RTBDN: variants seen among roughly 807,000 people sequenced by gnomAD.
RTBDN encodes the protein retbindin.
In RTBDN, 24 loss-of-function variants were observed where a neutral mutation model predicts 21.9. The ratio of observed to expected loss-of-function variants is 1.10; its 90% confidence interval spans 0.79 to 1.54. RTBDN has a LOEUF of 1.54. RTBDN is among the 40% of genes most tolerant of loss of function. The probability of loss-of-function intolerance (pLI) is 0.00; values close to 1 mark genes in which losing one functional copy is unlikely to be tolerated. For missense variants in RTBDN, 325 were observed against 315.2 expected, an observed-to-expected ratio of 1.03 and a Z score of -0.23; for synonymous variants, 141 against 125.9, an observed-to-expected ratio of 1.12 and a Z score of -0.80.
At position 12,828,874 on chromosome 19, in the gene RTBDN, G is replaced by T. The variant is rs750372485; in HGVS notation, c.249C>A (p.Ser83Arg). ...GNHPERCGVP[S>R]PECESFLEHL... Reference sequence around the variant, plus strand: ...GTGGAGGGTGCTGTACTCACTCAGGGCTCGGCACTCCACAGCGTTCTGGAT... The same window carrying T: ...GTGGAGGGTGCTGTACTCACTCAGGTCTCGGCACTCCACAGCGTTCTGGAT... The change falls in exon 3 of 6, where the codon AGC becomes AGA. Residue 83 changes from serine to arginine, a missense_variant. Transcript: ENST00000674343. 3.1e-6 allele frequency: 5 copies of T among 1,614,202 alleles called. No individual in the cohort carries two copies. Among genetic ancestry groups the T allele is most frequent in the South Asian group, 1.1e-5 (1 of 91,088 alleles).
rs1391472826 is a variant in RTBDN, at chr19:12,834,447, G to C, written c.-19+42C>G. The C allele has an allele frequency of 6.9e-7, 1 of 1,455,596 alleles. No homozygotes were observed. Among genetic ancestry groups the C allele is most frequent in the Admixed American group, 2.0e-5 (1 of 50,180 alleles). 90.2% of individuals were successfully genotyped at this position (1,455,596 alleles called of 1,614,324 possible). A position where few individuals can be genotyped will look rare whatever the true frequency, so the allele number is the denominator to read the frequency against. On this transcript the variant is annotated intron_variant, in intron 1 of 5. Transcript: ENST00000674343. This position sits in a 1 kb window ranked among gnomAD's most constrained non-coding sequence, Gnocchi z 4.7. ...AACCTCGCCCCTCACCACCCCAGGA[G>C]CCCCCTCCCGAGGCATAGGACGCCC... is the stretch of plus-strand genomic sequence containing the variant.
chr19:12,831,429 G>T (rs149004133), intron 1 of RTBDN, among the ~76,000 whole-genome samples: 2 of 152,168 alleles, frequency 1.3e-5, no homozygotes, highest in Non-Finnish European at 2.9e-5. Flanking sequence ...TTTCAGCCAG[G>T]CATGGTGGTT....
At chr19:12,826,194 T>TAG in intron 5 of RTBDN, 1 of 1,346,572 alleles carries the variant, frequency 7.4e-7, no homozygotes, top group Non-Finnish European at 9.5e-7. Flanking sequence ...TGGGGTTTTG[T>TAG]AGAGAGTGAC....
chr19:12,832,373 A>G (rs902677809), intron 1 of RTBDN, among the ~76,000 whole-genome samples: 3 of 152,140 alleles, frequency 2.0e-5, no homozygotes, highest in Admixed American at 2.0e-4. Flanking sequence ...ACACCCAGTG[A>G]TGTGCTGGAG....
In RTBDN at chr19:12,829,909, AG is replaced by A. The variant is rs1969496916; in HGVS notation, c.70del (p.Leu24CysfsTer2). On this transcript the variant is annotated frameshift_variant, in exon 2 of 6. Transcript: ENST00000674343. LOFTEE classifies it high-confidence loss of function. ...WVLQLTLAWILLEACGGSRPL... is the reference protein window; with the variant it reads ...WVLQLTLAWIXLEACGGSRPL... Reference sequence around the variant, plus strand: ...GCGGCTCCCTCCACAGGCTTCTAGCAGGATCCATGCCAAGGTCAGTTGCAGC... The same window carrying A: ...GCGGCTCCCTCCACAGGCTTCTAGCAGATCCATGCCAAGGTCAGTTGCAGC... The A allele has an allele frequency of 1.2e-5, 19 of 1,614,188 alleles. No homozygotes were observed. The East Asian group carries it at 4.2e-4, about 36-fold the overall frequency.
At chr19:12,827,829 C>A (rs530920024) in intron 4 of RTBDN, among the ~76,000 whole-genome samples, 1 of 152,018 alleles carries the variant, frequency 6.6e-6, no homozygotes, top group African/African-American at 2.4e-5. Context: ...CATGGTGGCT[C>A]ACCCCTGTAA....
At chr19:12,829,121 A>AAACAAGAAATG in intron 2 of RTBDN, 168 bp from the exon 3 acceptor site, 1 of 1,111,864 alleles carries the variant, frequency 9.0e-7, no homozygotes, top group Non-Finnish European at 1.2e-6. Flanking sequence ...AAGTAGTAAT[A>AAACAAGAAATG]ATCATTTCTT....
At chr19:12,828,632 C>T (rs772930023) in intron 4 of RTBDN, 25 bp downstream of exon 4, 1 of 1,575,394 alleles carries the variant, frequency 6.3e-7, no homozygotes, top group South Asian at 1.1e-5. Flanking sequence ...TCACAACCCA[C>T]GCCCCTTGCC....
In RTBDN at chr19:12,828,656, C is replaced by G. The variant is rs1969419991; in HGVS notation, c.365+1G>C. 11 of 1,611,336 alleles carry G rather than the reference C, an allele frequency of 6.8e-6. No individual in the cohort carries two copies. In the East Asian group the frequency reaches 1.3e-4, roughly 20 times the overall value. Reference sequence around the variant, plus strand: ...ACGCCCCTTGCCCCCGCGTCTCCTACCAGGCCTGGCAGAGCTCCTCGCAGA... The same window carrying G: ...ACGCCCCTTGCCCCCGCGTCTCCTAGCAGGCCTGGCAGAGCTCCTCGCAGA... On this transcript the variant is annotated splice_donor_variant, in intron 4 of 5. Transcript: ENST00000674343. LOFTEE classifies it high-confidence loss of function.
At chr19:12,833,145 C>T (rs577765268) in intron 1 of RTBDN, among the ~76,000 whole-genome samples, 3 of 152,190 alleles carry the variant, frequency 2.0e-5, no homozygotes, top group South Asian at 4.1e-4. Flanking sequence ...CCTGAGGAGG[C>T]TCTGATTGTG....
chr19:12,835,311 T>C (rs1949785244), upstream of RTBDN: 1 of 562,736 alleles, frequency 1.8e-6, no homozygotes. Context: ...TGCTCCCACA[T>C]TCTCTCCGCC....
At position 12,825,682 on chromosome 19, in the gene RTBDN, C is replaced by G; in HGVS notation, c.*24G>C. ...GGCGGGGCTGGGGGAAGGGTCGCTC[C>G]CCCAACTCAGGGCCACGCGTCCGCT... On this transcript the variant is annotated 3_prime_UTR_variant, in exon 6 of 6. Coordinates refer to ENST00000674343, the MANE Select transcript of RTBDN (RefSeq NM_001270441.2). 1 of 1,548,186 alleles carries G rather than the reference C, an allele frequency of 6.5e-7. No homozygotes were observed. Among genetic ancestry groups the G allele is most frequent in the Non-Finnish European group, 8.7e-7 (1 of 1,147,170 alleles).
At position 12,825,543 on chromosome 19, in the gene RTBDN, T is replaced by G; in HGVS notation, c.*163A>C. ...AAAAGTGAGAGAGTTGGGTCATTTC[T>G]GGGATAACCTGGAGAGGGGTGGGTC... On this transcript the variant is annotated 3_prime_UTR_variant, in exon 6 of 6. Transcript: ENST00000674343. 1 of 1,110,010 alleles carries G rather than the reference T, an allele frequency of 9.0e-7. No homozygotes were observed. Among genetic ancestry groups the G allele is most frequent in the Non-Finnish European group, 1.2e-6 (1 of 817,820 alleles). 68.8% of individuals were successfully genotyped at this position (1,110,010 alleles called of 1,614,324 possible).
chr19:12,827,479 C>T (rs541894046), intron 4 of RTBDN, among the ~76,000 whole-genome samples: 11 of 151,758 alleles, frequency 7.2e-5, no homozygotes, highest in Non-Finnish European at 1.5e-4. Context: ...CCCACCACCA[C>T]GCCTGGCTCA....
intron 4 of RTBDN, 24 bp from the exon 5 acceptor site, chr19:12,826,895 G>A: frequency 6.7e-7 from 1 of 1,495,394 alleles, no homozygotes; most frequent in Non-Finnish European, 9.1e-7. Flanking sequence ...GTGGAGAGGT[G>A]GGTAAAGCCT....
At chr19:12,826,086 G>A (rs1969285683) in intron 5 of RTBDN, 153 bp from the exon 6 acceptor site, 18 of 1,411,054 alleles carry the variant, frequency 1.3e-5, no homozygotes, top group Non-Finnish European at 1.7e-5. Context: ...GTGAGTGGGG[G>A]CAGGTCCTTG....
chr19:12,829,760 T>A (rs767489085), intron 2 of RTBDN, 51 bp downstream of exon 2: 1 of 1,532,730 alleles, frequency 6.5e-7, no homozygotes, highest in African/African-American at 1.4e-5. Flanking sequence ...CATGGCAGGG[T>A]AGGTGTGGGT....
chr19:12,834,705 C>A, upstream of RTBDN: 1 of 1,548,252 alleles, frequency 6.5e-7, no homozygotes, highest in Non-Finnish European at 8.9e-7. This position sits in a 1 kb window ranked among gnomAD's most constrained non-coding sequence, Gnocchi z 4.7. Flanking sequence ...GCCGTGCGTC[C>A]ACTGCACGGA....
In RTBDN at chr19:12,828,656, C is replaced by T; in HGVS notation, c.365+1G>A. 4 of 1,611,336 alleles carry T rather than the reference C, an allele frequency of 2.5e-6. No homozygotes were observed. The highest frequency in any genetic ancestry group is 2.7e-5 in the African/African-American group (2 of 75,006). Reference sequence around the variant, plus strand: ...ACGCCCCTTGCCCCCGCGTCTCCTACCAGGCCTGGCAGAGCTCCTCGCAGA... The same window carrying T: ...ACGCCCCTTGCCCCCGCGTCTCCTATCAGGCCTGGCAGAGCTCCTCGCAGA... On this transcript the variant is annotated splice_donor_variant, in intron 4 of 5. Coordinates refer to ENST00000674343, the MANE Select transcript of RTBDN (RefSeq NM_001270441.2). LOFTEE classifies it high-confidence loss of function.
Sources: allele counts gnomAD v4.1 joint callset (sites outside exome capture counted in the v4.1 genomes callset), GRCh38; gene constraint gnomAD v4.1.1; non-coding constraint Gnocchi (gnomAD v3.1); transcripts MANE v1.5; gene names NCBI Gene and HGNC (gene_info 2026-07-23, HGNC 2026-07-21).